The following BRAP variants were observed in gnomAD, a reference collection of about 807,000 sequenced individuals.
BRAP encodes the protein BRCA1 associated protein.
A neutral mutation model predicts 73.4 loss-of-function variants in BRAP; 42 were observed. That is an observed-to-expected ratio of 0.57 (90% CI 0.45 to 0.74). The LOEUF (loss-of-function observed/expected upper bound fraction) is 0.74, where lower values mean the gene tolerates loss of function less well. BRAP is among the 30% of genes least tolerant of loss of function. The pLI, the probability that BRAP is intolerant of heterozygous loss-of-function variation, is 0.00. For synonymous variants in BRAP, 255 were observed against 267.4 expected (o/e 0.95, Z 0.45); for missense variants, 593 against 751.4 (o/e 0.79, Z 2.46).
At chr12:111,678,686 A>AC (rs1887478907) in intron 4 of BRAP, among the ~76,000 whole-genome samples, 1 of 125,974 alleles carries the variant, frequency 7.9e-6, no homozygotes, top group Non-Finnish European at 1.7e-5. Context: ...AACACACTAG[A>AC]TTTTTTTTTT....
At chr12:111,679,038 A>G in intron 4 of BRAP, 113 bp downstream of exon 4, 2 of 633,718 alleles carry the variant, frequency 3.2e-6, no homozygotes, top group Non-Finnish European at 4.8e-6. Flanking sequence ...ATCTTAGAAG[A>G]CATCTCAAGA....
At chr12:111,678,074 G>T (rs1286772448) in intron 4 of BRAP, among the ~76,000 whole-genome samples, 2 of 151,822 alleles carry the variant, frequency 1.3e-5, no homozygotes, top group Non-Finnish European at 2.9e-5. Flanking sequence ...CCAACATGGA[G>T]AAACTCCGCC....
At position 111,658,737 on chromosome 12, in the gene BRAP, TCTAA is replaced by T; in HGVS notation, c.1216_1219del (p.Leu406SerfsTer6). 1 of 1,566,486 alleles carries T rather than the reference TCTAA, an allele frequency of 6.4e-7. No homozygotes were observed. Among genetic ancestry groups the T allele is most frequent in the Admixed American group, 1.7e-5 (1 of 59,710 alleles). ...GTGATAACTCATTAAATCTCTTACC[TCTAA>T]CTGTAAGGCATCTATTTTCTCTTCC... is the stretch of plus-strand genomic sequence containing the variant. On this transcript the variant is annotated frameshift_variant and splice_region_variant, in exon 9 of 12. Coordinates refer to ENST00000419234, the MANE Select transcript of BRAP (RefSeq NM_006768.5). LOFTEE classifies it high-confidence loss of function.
At chr12:111,682,669 T>A (rs920316371) in intron 2 of BRAP, among the ~76,000 whole-genome samples, 1 of 152,046 alleles carries the variant, frequency 6.6e-6, no homozygotes, top group Admixed American at 6.6e-5. Context: ...TCCAGCACTT[T>A]GGGAGGCCGA....
intron 10 of BRAP, among the ~76,000 whole-genome samples, chr12:111,650,952 C>G (rs1250921719): frequency 6.6e-6 from 1 of 152,050 alleles, no homozygotes; most frequent in African/African-American, 2.4e-5. Flanking sequence ...CATCCCAGCC[C>G]AGAGTATGTT....
At chr12:111,677,806 C>A (rs1887442352) in intron 4 of BRAP, among the ~76,000 whole-genome samples, 2 of 152,232 alleles carry the variant, frequency 1.3e-5, no homozygotes, top group South Asian at 4.2e-4. Context: ...AACTTTAAAT[C>A]CAAAGGATAA....
rs554604682 is a variant in BRAP at position 111,675,065 on chromosome 12, A to G, written c.634-2291T>C. 1.9e-4 allele frequency among the ~76,000 whole-genome samples: 29 copies of G among 152,292 alleles called. No individual in the cohort carries two copies. The South Asian group carries it at 5.8e-3, about 30-fold the overall frequency. Reference sequence around the variant, plus strand: ...TACCTGAGCCCAGGAGTTTGAGACCAGCCTGGGCAACGTGGCGAAACCCCA... The same window carrying G: ...TACCTGAGCCCAGGAGTTTGAGACCGGCCTGGGCAACGTGGCGAAACCCCA... On this transcript the variant is annotated intron_variant, in intron 4 of 11. Coordinates refer to ENST00000419234, the MANE Select transcript of BRAP (RefSeq NM_006768.5).
chr12:111,676,581 G>A (rs760063028), intron 4 of BRAP, among the ~76,000 whole-genome samples: 14 of 152,136 alleles, frequency 9.2e-5, no homozygotes, highest in African/African-American at 2.9e-4. Context: ...ATCCAGCTAA[G>A]TTTTATATTT....
At chr12:111,644,635 G>A in intron 11 of BRAP, 73 bp from the exon 12 acceptor site, 1 of 1,554,444 alleles carries the variant, frequency 6.4e-7, no homozygotes, top group Non-Finnish European at 8.7e-7. Flanking sequence ...CTCTGGGATT[G>A]AACAGAGAAA....
chr12:111,654,381 T>TCTTGGTTCACTGCAAGATTCACTGCA (rs1886437676), intron 10 of BRAP, among the ~76,000 whole-genome samples: 1 of 151,444 alleles, frequency 6.6e-6, no homozygotes, highest in African/African-American at 2.4e-5. Flanking sequence ...AGTGGTGCAA[T>TCTTGGTTCACTGCAAGATTCACTGCA]CTTGGTTCAC....
At chr12:111,650,117 T>C in intron 10 of BRAP, 75 bp from the exon 11 acceptor site, 2 of 1,071,298 alleles carry the variant, frequency 1.9e-6, no homozygotes, top group East Asian at 2.5e-5. Context: ...ACATCATATT[T>C]TTCCCCCCAA....
At chr12:111,675,244 G>C (rs1400738227) in intron 4 of BRAP, among the ~76,000 whole-genome samples, 2 of 151,798 alleles carry the variant, frequency 1.3e-5, no homozygotes, top group East Asian at 1.9e-4. Context: ...CTGTGCAGCA[G>C]AGTGAGACCT....
intron 5 of BRAP, chr12:111,669,882 A>G: frequency 3.1e-6 from 2 of 647,120 alleles, no homozygotes; most frequent in Non-Finnish European, 5.5e-6. Flanking sequence ...TTTCCAACAT[A>G]AGATTTTATA....
intron 10 of BRAP, among the ~76,000 whole-genome samples, chr12:111,651,942 G>C (rs1288669113): frequency 6.6e-6 from 1 of 152,044 alleles, no homozygotes; most frequent in Admixed American, 6.6e-5. Flanking sequence ...GGCTGGAAGA[G>C]AGATTTCTAA....
chr12:111,651,627 TTTC>T (rs998526165), intron 10 of BRAP, among the ~76,000 whole-genome samples: 25 of 150,694 alleles, frequency 1.7e-4, no homozygotes, highest in Admixed American at 4.0e-4. Context: ...GGAAGAAAGA[TTTC>T]TTTTCTTTTT....
chr12:111,651,150 CCAGGGATCAGCTAGACCTTTCT>C (rs1434180391), intron 10 of BRAP, among the ~76,000 whole-genome samples: 2,197 of 152,078 alleles, frequency 0.014, 65 homozygotes, highest in African/African-American at 0.05. Context: ...GTCATACAGC[CCAGGGATCAGCTAGACCTTTCT>C]TTTTAATCAT....
chr12:111,680,489 G>T (rs1259522280), intron 3 of BRAP, among the ~76,000 whole-genome samples: 1 of 151,088 alleles, frequency 6.6e-6, no homozygotes, highest in Non-Finnish European at 1.5e-5. Context: ...TTGAGGTTAG[G>T]AGTTCGAGAC....
chr12:111,678,686 ATTTTTTTTTT>A (rs748418829), intron 4 of BRAP, among the ~76,000 whole-genome samples: 3 of 125,974 alleles, frequency 2.4e-5, no homozygotes, highest in Non-Finnish European at 5.0e-5. Context: ...AACACACTAG[ATTTTTTTTTT>A]TTTTTTTTTT....
intron 6 of BRAP, among the ~76,000 whole-genome samples, chr12:111,661,670 T>A (rs1222821528): frequency 2.0e-5 from 3 of 151,968 alleles, no homozygotes; most frequent in Non-Finnish European, 4.4e-5. Flanking sequence ...TTCTCCAGGT[T>A]GCTCCTAAGA....
Sources: allele counts gnomAD v4.1 joint callset (sites outside exome capture counted in the v4.1 genomes callset), GRCh38; gene constraint gnomAD v4.1.1; transcripts MANE v1.5; gene names NCBI Gene and HGNC (gene_info 2026-07-23, HGNC 2026-07-21).